MYO3B: variants seen among roughly 807,000 people sequenced by gnomAD.
The protein encoded by MYO3B is myosin-IIIb.
MYO3B carries 156 observed loss-of-function variants against 174.6 expected under a neutral mutation model. That is an observed-to-expected ratio of 0.89 (90% confidence interval 0.78 to 1.02). The LOEUF is 1.02. Ranked by LOEUF, MYO3B falls within the 50% of genes least tolerant of loss-of-function variation. MYO3B has a pLI of 0.00. For missense variants in MYO3B, 1,632 were observed against 1,639.4 expected (o/e 1.00, Z 0.08); for synonymous variants, 563 against 569.1 (o/e 0.99, Z 0.15).
At chr2:170,530,509 GT>G (rs1036251855) in intron 30 of MYO3B, among the ~76,000 whole-genome samples, 2 of 152,154 alleles carry the variant, frequency 1.3e-5, no homozygotes, top group African/African-American at 4.8e-5. Context: ...AATCTGAGGG[GT>G]TCTGCTTGGC....
chr2:170,258,191 G>A (rs987306779), intron 7 of MYO3B, among the ~76,000 whole-genome samples: 3 of 152,030 alleles, frequency 2.0e-5, no homozygotes, highest in Non-Finnish European at 2.9e-5. Flanking sequence ...CAAAAGTCAA[G>A]GAGGACAGAC....
chr2:170,515,137 C>CT (rs1688228444), intron 29 of MYO3B, 115 bp downstream of exon 29: 2 of 832,220 alleles, frequency 2.4e-6, no homozygotes, highest in Non-Finnish European at 3.7e-6. Flanking sequence ...ACCACTCCTT[C>CT]TTTTTTCTAT....
intron 32 of MYO3B, among the ~76,000 whole-genome samples, chr2:170,629,021 C>G (rs370795055): frequency 1.3e-5 from 2 of 152,138 alleles, no homozygotes; most frequent in African/African-American, 4.8e-5. Context: ...TGAGCCCAAC[C>G]GAAGAACGTT....
intron 32 of MYO3B, among the ~76,000 whole-genome samples, chr2:170,618,564 A>G (rs1009156009): frequency 1.3e-5 from 2 of 152,130 alleles, no homozygotes; most frequent in Admixed American, 6.5e-5. Context: ...CCACAATGCA[A>G]TGGGGCTCTC....
At chr2:170,183,736 A>C (rs758931475) in intron 1 of MYO3B, among the ~76,000 whole-genome samples, 33 of 152,228 alleles carry the variant, frequency 2.2e-4, no homozygotes, top group South Asian at 6.2e-4. Flanking sequence ...TGTTTGTGAG[A>C]GATACTTGTC....
At chr2:170,606,400 CT>C (rs997823345) in intron 32 of MYO3B, among the ~76,000 whole-genome samples, 9 of 152,202 alleles carry the variant, frequency 5.9e-5, no homozygotes, top group Non-Finnish European at 1.0e-4. Context: ...GCCTAGAACA[CT>C]TTTCTCATTC....
chr2:170,221,927 T>A (rs1012783728), intron 6 of MYO3B, among the ~76,000 whole-genome samples: 6 of 152,196 alleles, frequency 3.9e-5, no homozygotes, highest in Non-Finnish European at 7.3e-5. Flanking sequence ...ATACTGTGAC[T>A]ACAGGAAAGA....
intron 30 of MYO3B, among the ~76,000 whole-genome samples, chr2:170,539,046 G>T (rs1298427498): frequency 6.6e-6 from 1 of 152,108 alleles, no homozygotes; most frequent in Non-Finnish European, 1.5e-5. Context: ...TTTCCCAATT[G>T]TTCTAAGAAT....
At chr2:170,475,733 G>T (rs565791184) in intron 25 of MYO3B, among the ~76,000 whole-genome samples, 2 of 152,286 alleles carry the variant, frequency 1.3e-5, no homozygotes, top group South Asian at 2.1e-4. Context: ...GTCACTCTCA[G>T]GAATAAACTT....
chr2:170,278,281 T>C (rs771781868), intron 7 of MYO3B, among the ~76,000 whole-genome samples: 2 of 152,156 alleles, frequency 1.3e-5, no homozygotes, highest in Admixed American at 6.6e-5. Flanking sequence ...CGTAGTCTTA[T>C]ATACAGCAAG....
intron 32 of MYO3B, among the ~76,000 whole-genome samples, chr2:170,613,638 G>T (rs897887101): frequency 6.6e-6 from 1 of 152,184 alleles, no homozygotes; most frequent in Admixed American, 6.5e-5. Context: ...GTCTGTGAGG[G>T]TGTTGCCAAA....
chr2:170,580,712 T>TTATATATATA (rs139311800), intron 32 of MYO3B, among the ~76,000 whole-genome samples: 12,219 of 135,674 alleles, frequency 0.09, 724 homozygotes, highest in Non-Finnish European at 0.13. Context: ...CCACAAAACC[T>TTATATATATA]TATATATGTG....
chr2:170,466,371 T>C, intron 24 of MYO3B, 135 bp from the exon 25 acceptor site: 1 of 748,148 alleles, frequency 1.3e-6, no homozygotes. Context: ...TATTATCTCC[T>C]ATTGCTGATT....
intron 6 of MYO3B, among the ~76,000 whole-genome samples, chr2:170,226,662 C>G (rs1406861553): frequency 1.3e-5 from 2 of 152,140 alleles, no homozygotes; most frequent in South Asian, 2.1e-4. Flanking sequence ...TGTTATTACC[C>G]TCTTCCTGGT....
chr2:170,494,408 T>TGTTC (rs1213748002), intron 25 of MYO3B, among the ~76,000 whole-genome samples: 1 of 147,302 alleles, frequency 6.8e-6, no homozygotes, highest in African/African-American at 2.7e-5. Flanking sequence ...AATTCTGCAG[T>TGTTC]GTTCTTTGGT....
intron 25 of MYO3B, among the ~76,000 whole-genome samples, chr2:170,486,335 G>A (rs6705183): frequency 0.38 from 47,466 of 126,016 alleles, 9,016 homozygotes; most frequent in East Asian, 0.56. Context: ...ATGTAGTTTC[G>A]CTCTTGTTGC....
chr2:170,443,323 C>A (rs920554116), intron 22 of MYO3B, among the ~76,000 whole-genome samples: 3 of 152,142 alleles, frequency 2.0e-5, no homozygotes, highest in African/African-American at 7.2e-5. Flanking sequence ...ATATCCTTTG[C>A]CCACTTTTTG....
At chr2:170,652,734 C>G (rs78037881) in intron 34 of MYO3B, among the ~76,000 whole-genome samples, 17,261 of 152,132 alleles carry the variant, frequency 0.11, 1,094 homozygotes, top group Middle Eastern at 0.21. Flanking sequence ...AGTTGCAATA[C>G]GACCACAACT....
At chr2:170,311,919 G>A (rs1391276285) in intron 7 of MYO3B, among the ~76,000 whole-genome samples, 3 of 152,128 alleles carry the variant, frequency 2.0e-5, no homozygotes, top group African/African-American at 7.2e-5. Flanking sequence ...AAATATATGG[G>A]TTTATTTCTG....
Sources: gnomAD v4.1 joint callset for allele counts (sites outside exome capture counted in the v4.1 genomes callset) on GRCh38, gnomAD v4.1.1 for gene constraint, MANE v1.5 for transcripts, NCBI Gene and HGNC (gene_info 2026-07-23, HGNC 2026-07-21) for gene names.